Variants in NUBP1 observed in about 807,000 individuals in gnomAD.
NUBP1 encodes the protein cytosolic Fe-S cluster assembly factor NUBP1.
A neutral mutation model predicts 41.8 loss-of-function variants in NUBP1; 46 were observed. The ratio of observed to expected loss-of-function variants is 1.10; its 90% CI spans 0.87 to 1.41. NUBP1 has a LOEUF of 1.41. Ranked by LOEUF, NUBP1 falls within the 40% of genes most tolerant of loss-of-function variation. The pLI is 0.00. For missense variants in NUBP1, 494 were observed against 414.0 expected (o/e 1.19, Z -1.68); for synonymous variants, 189 against 154.6 (o/e 1.22, Z -1.65).
At position 10,758,658 on chromosome 16, in the gene NUBP1, C is replaced by G. The variant is rs3790123; in HGVS notation, c.606+631C>G. On this transcript the variant is annotated intron_variant, in intron 7 of 10. Transcript: ENST00000283027. Reference sequence around the variant, plus strand: ...TATAATTCATACTGTGCTGCCTGGCCCCGTCAGCCTTGCCGTGTCCATGTG... The same window carrying G: ...TATAATTCATACTGTGCTGCCTGGCGCCGTCAGCCTTGCCGTGTCCATGTG... 3.9e-3 allele frequency among the ~76,000 whole-genome samples: 599 copies of G among 152,244 alleles called. 8 individuals are homozygous for G. The highest frequency in any genetic ancestry group is 0.03 in the East Asian group (156 of 5,194).
At chr16:10,755,207 G>T (rs139710430) in intron 4 of NUBP1, among the ~76,000 whole-genome samples, 1 of 152,172 alleles carries the variant, frequency 6.6e-6, no homozygotes, top group South Asian at 2.1e-4. Context: ...TTCAGTGTGC[G>T]CTTTGTGTGC....
Position 10,767,868 on chromosome 16 carries a change from G to A in NUBP1, c.821-81G>A. 1 of 1,287,028 alleles carries A rather than the reference G, an allele frequency of 7.8e-7. No homozygotes were observed. The highest frequency in any genetic ancestry group is 1.1e-6 in the Non-Finnish European group (1 of 884,780). 79.7% of individuals were successfully genotyped at this position (1,287,028 alleles called of 1,614,324 possible). On this transcript the variant is annotated intron_variant, in intron 9 of 10. Coordinates refer to ENST00000283027, the MANE Select transcript of NUBP1 (RefSeq NM_002484.4). This position sits in a 1 kb window ranked among gnomAD's most constrained non-coding sequence, Gnocchi z 4.6. Reference sequence around the variant, plus strand: ...GCTCAAGATCTTCCCATTGTCACCAGCACGGAAAGAGCCCCAAGATCTTGT... The same window carrying A: ...GCTCAAGATCTTCCCATTGTCACCAACACGGAAAGAGCCCCAAGATCTTGT...
chr16:10,767,859 T>C lies in NUBP1; in HGVS notation c.821-90T>C, dbSNP rs2233540. On this transcript the variant is annotated intron_variant, in intron 9 of 10. Coordinates refer to ENST00000283027, the MANE Select transcript of NUBP1 (RefSeq NM_002484.4). The surrounding 1 kb of genome is among the most constrained non-coding windows in gnomAD (Gnocchi z 4.6). ...GTGAAGCGGGCTCAAGATCTTCCCA[T>C]TGTCACCAGCACGGAAAGAGCCCCA... 0.037 allele frequency: 45,198 copies of C among 1,212,548 alleles called. 1,915 individuals carry two copies. The highest frequency in any genetic ancestry group is 0.2 in the African/African-American group (13,393 of 66,676). The allele number at this position is 1,212,548 out of a possible 1,614,324, so 75.1% of individuals were successfully genotyped here.
Position 10,769,325 on chromosome 16 carries a change from T to G in NUBP1, c.*220T>G. ...AGGGCATTCTCTACAAATGTGCCGT[T>G]TTAAGAATAAAACCCCCTCAAATCT... On this transcript the variant is annotated 3_prime_UTR_variant, in exon 11 of 11. Coordinates refer to ENST00000283027, the MANE Select transcript of NUBP1 (RefSeq NM_002484.4). 1 of 478,080 alleles carries G rather than the reference T, an allele frequency of 2.1e-6. No homozygotes were observed. Among genetic ancestry groups the G allele is most frequent in the African/African-American group, 2.0e-5 (1 of 50,108 alleles). 29.6% of individuals were successfully genotyped at this position (478,080 alleles called of 1,614,324 possible).
chr16:10,746,987 T>C (rs1370125535), intron 2 of NUBP1, among the ~76,000 whole-genome samples, 156 bp from the exon 3 acceptor site: 3 of 152,188 alleles, frequency 2.0e-5, no homozygotes, highest in Admixed American at 6.6e-5. Flanking sequence ...CTAGCACTTA[T>C]TTCTACCATT....
intron 2 of NUBP1, among the ~76,000 whole-genome samples, chr16:10,746,151 G>A (rs1401950919): frequency 6.6e-6 from 1 of 152,228 alleles, no homozygotes; most frequent in East Asian, 1.9e-4. Context: ...TGGGGAGGAG[G>A]ACAGCAGTGT....
At position 10,767,320 on chromosome 16, in the gene NUBP1, G is replaced by T; in HGVS notation, c.821-629G>T. ...AGAAACCTGGGTGTGCATAGGAGGG[G>T]ACTGGAACAATGGCCACATGGCGGG... On this transcript the variant is annotated intron_variant, in intron 9 of 10. Transcript: ENST00000283027. This position sits in a 1 kb window ranked among gnomAD's most constrained non-coding sequence, Gnocchi z 4.6. The T allele has an allele frequency of 2.5e-6, 1 of 399,682 alleles. No individual in the cohort carries two copies. The allele number at this position is 399,682 out of a possible 1,614,324, so 24.8% of individuals were successfully genotyped here.
At chr16:10,745,888 G>T (rs143190827) in intron 2 of NUBP1, among the ~76,000 whole-genome samples, 3 of 152,222 alleles carry the variant, frequency 2.0e-5, no homozygotes, top group African/African-American at 7.2e-5. Context: ...GGTCAGTGTG[G>T]CGTTTAACAG....
intron 9 of NUBP1, among the ~76,000 whole-genome samples, chr16:10,762,850 G>A (rs1351308553): frequency 6.6e-6 from 1 of 152,132 alleles, no homozygotes; most frequent in Non-Finnish European, 1.5e-5. Context: ...GAGCCTGGAG[G>A]CGGGGAGGGC....
rs1175937958 is a variant in NUBP1, at chr16:10,767,876, A to G, written c.821-73A>G. 2.2e-6 allele frequency: 3 copies of G among 1,377,104 alleles called. No homozygotes were observed. The highest frequency in any genetic ancestry group is 2.3e-5 in the East Asian group (1 of 43,682). 85.3% of individuals were successfully genotyped at this position (1,377,104 alleles called of 1,614,324 possible). A position where few individuals can be genotyped will look rare whatever the true frequency, so the allele number is the denominator to read the frequency against. ...TCTTCCCATTGTCACCAGCACGGAA[A>G]GAGCCCCAAGATCTTGTGGCCATTC... is the stretch of plus-strand genomic sequence containing the variant. On this transcript the variant is annotated intron_variant, in intron 9 of 10. Transcript: ENST00000283027. The surrounding 1 kb of genome is among the most constrained non-coding windows in gnomAD (Gnocchi z 4.6).
Position 10,766,715 on chromosome 16 carries a change from A to G in NUBP1, c.821-1234A>G. 2.6e-6 allele frequency: 1 copy of G among 387,282 alleles called. No homozygotes were observed. The highest frequency in any genetic ancestry group is 4.6e-6 in the Non-Finnish European group (1 of 219,552). 24.0% of individuals were successfully genotyped at this position (387,282 alleles called of 1,614,324 possible). A position where few individuals can be genotyped will look rare whatever the true frequency, so the allele number is the denominator to read the frequency against. ...AGGGATTTATTGAAAATGAAAGTCA[A>G]CTCCACGGTGTGGGAGGAGAACGGG... On this transcript the variant is annotated intron_variant, in intron 9 of 10. Coordinates refer to ENST00000283027, the MANE Select transcript of NUBP1 (RefSeq NM_002484.4). This position sits in a 1 kb window ranked among gnomAD's most constrained non-coding sequence, Gnocchi z 4.8.
In NUBP1 at chr16:10,768,211, A is replaced by C; in HGVS notation, c.904+179A>C. On this transcript the variant is annotated intron_variant, in intron 10 of 10. Coordinates refer to ENST00000283027, the MANE Select transcript of NUBP1 (RefSeq NM_002484.4). This position sits in a 1 kb window ranked among gnomAD's most constrained non-coding sequence, Gnocchi z 4.3. ...TCTCAATGTGTGAGTATTGTGAATT[A>C]ATTCATAGTTTAAAAAACATGGTGA... The C allele has an allele frequency of 2.0e-6, 1 of 500,850 alleles. No homozygotes were observed. The highest frequency in any genetic ancestry group is 3.5e-6 in the Non-Finnish European group (1 of 284,054). 31.0% of individuals were successfully genotyped at this position (500,850 alleles called of 1,614,324 possible). A position where few individuals can be genotyped will look rare whatever the true frequency, so the allele number is the denominator to read the frequency against.
intron 3 of NUBP1, among the ~76,000 whole-genome samples, chr16:10,748,287 A>G (rs1483114910): frequency 6.6e-6 from 1 of 152,148 alleles, no homozygotes; most frequent in East Asian, 1.9e-4. Context: ...CTAAGTACCT[A>G]CATATGATCC....
At position 10,769,078 on chromosome 16, in the gene NUBP1, A is replaced by G; in HGVS notation, c.936A>G (p.Ser312=). The G allele has an allele frequency of 1.2e-6, 2 of 1,614,094 alleles. No individual in the cohort carries two copies. The highest frequency in any genetic ancestry group is 1.7e-6 in the Non-Finnish European group (2 of 1,179,994). The change falls in exon 11 of 11, where the codon TCA becomes TCG. Residue 312 remains serine (S), a synonymous_variant. Coordinates refer to ENST00000283027, the MANE Select transcript of NUBP1 (RefSeq NM_002484.4). ...RIQEFCNLHQ[S]KEENLISS ...AAGAGTTTTGTAATCTCCATCAGTCAAAAGAAGAGAACCTCATCAGTTCCT... is the reference window on the plus strand; with the variant it reads ...AAGAGTTTTGTAATCTCCATCAGTCGAAAGAAGAGAACCTCATCAGTTCCT...
chr16:10,747,117 C>T lies in NUBP1; in HGVS notation c.125-26C>T, dbSNP rs114057077. 1,406 of 1,612,944 alleles carry T rather than the reference C, an allele frequency of 8.7e-4. 15 individuals carry two copies. In the African/African-American group the frequency reaches 0.015, roughly 17 times the overall value. On this transcript the variant is annotated intron_variant, in intron 2 of 10. Transcript: ENST00000283027. ...TTCGAGGTTTGGTGTGGGACCTCAT[C>T]CCCTGAACTTTGGTTTTCTTTGCAG...
In NUBP1 at chr16:10,766,802, G is replaced by C; in HGVS notation, c.821-1147G>C. The C allele has an allele frequency of 2.5e-6, 1 of 397,532 alleles. No homozygotes were observed. The highest frequency in any genetic ancestry group is 4.4e-6 in the Non-Finnish European group (1 of 225,876). 24.6% of individuals were successfully genotyped at this position (397,532 alleles called of 1,614,324 possible). A position where few individuals can be genotyped will look rare whatever the true frequency, so the allele number is the denominator to read the frequency against. On this transcript the variant is annotated intron_variant, in intron 9 of 10. Transcript: ENST00000283027. The surrounding 1 kb of genome is among the most constrained non-coding windows in gnomAD (Gnocchi z 4.8). ...TTTTGTGTTTAAATACCCTCTACTTGAGGTACGCCCTATATAAACGAAAAG... is the reference window on the plus strand; with the variant it reads ...TTTTGTGTTTAAATACCCTCTACTTCAGGTACGCCCTATATAAACGAAAAG...
chr16:10,761,178 G>A, intron 7 of NUBP1, 186 bp from the exon 8 acceptor site: 1 of 522,838 alleles, frequency 1.9e-6, no homozygotes, highest in Non-Finnish European at 3.5e-6. Context: ...TAGGGATGTA[G>A]GGATGATGGG....
intron 3 of NUBP1, among the ~76,000 whole-genome samples, chr16:10,750,006 A>G (rs918214293): frequency 6.6e-6 from 1 of 152,136 alleles, no homozygotes; most frequent in Non-Finnish European, 1.5e-5. Flanking sequence ...CTGGGCTTCA[A>G]AGTGAGACCC....
intron 3 of NUBP1, among the ~76,000 whole-genome samples, chr16:10,750,985 T>G (rs996017775): frequency 1.4e-4 from 22 of 152,126 alleles, no homozygotes; most frequent in African/African-American, 5.3e-4. Flanking sequence ...TAAGCAAAAT[T>G]AAATGGACAG....
Sources: allele counts gnomAD v4.1 joint callset (sites outside exome capture counted in the v4.1 genomes callset), GRCh38; gene constraint gnomAD v4.1.1; non-coding constraint Gnocchi (gnomAD v3.1); transcripts MANE v1.5; gene names NCBI Gene and HGNC (gene_info 2026-07-23, HGNC 2026-07-21).